The following TMEM33 variants were observed in gnomAD, a reference collection of about 807,000 sequenced individuals.
TMEM33 encodes transmembrane protein 33.
TMEM33 carries 16 observed loss-of-function variants against 29.7 expected under a neutral mutation model. The observed-to-expected ratio is 0.54, with a 90% confidence interval of 0.36 to 0.82. The LOEUF (loss-of-function observed/expected upper bound fraction) is 0.82, where lower values mean the gene tolerates loss of function less well. Among genes scored for constraint, TMEM33 ranks in the 40% least tolerant of loss-of-function variants. TMEM33 has a pLI of 0.00. For missense variants in TMEM33, 252 were observed against 295.3 expected (o/e 0.85, Z 1.08); for synonymous variants, 112 against 109.4 (o/e 1.02, Z -0.15).
At chr4:41,937,358 G>A (rs548715729) in intron 1 of TMEM33, among the ~76,000 whole-genome samples, 43 of 152,168 alleles carry the variant, frequency 2.8e-4, no homozygotes, top group African/African-American at 8.7e-4. Context: ...GTCACAGTAC[G>A]GTAAGTCTGG....
chr4:41,935,659 A>G, intron 1 of TMEM33, 130 bp downstream of exon 1: 1 of 960,038 alleles, frequency 1.0e-6, no homozygotes, highest in Non-Finnish European at 1.6e-6. Context: ...GGGGTGGGGA[A>G]GTTGGAGCGG....
At chr4:41,939,421 C>T in intron 3 of TMEM33, 38 bp downstream of exon 3, 1 of 1,600,848 alleles carries the variant, frequency 6.2e-7, no homozygotes, top group Non-Finnish European at 8.5e-7. Flanking sequence ...AAATTGCCAA[C>T]TAAGCATATA....
At chr4:41,935,615 A>G (rs1712191247) in intron 1 of TMEM33, 86 bp downstream of exon 1, 1 of 1,354,514 alleles carries the variant, frequency 7.4e-7, no homozygotes, top group Non-Finnish European at 1.0e-6. Flanking sequence ...GCGTTCCAGA[A>G]GCTCAGTGCA....
chr4:41,950,949 T>G (rs1013615699), intron 6 of TMEM33, among the ~76,000 whole-genome samples: 2 of 152,196 alleles, frequency 1.3e-5, no homozygotes, highest in African/African-American at 2.4e-5. Flanking sequence ...GGTAAACATC[T>G]TCAAAGCTGT....
chr4:41,939,842 C>CA, intron 3 of TMEM33: 2 of 454,164 alleles, frequency 4.4e-6, no homozygotes, highest in South Asian at 3.1e-5. Context: ...ATGAGATAAT[C>CA]AATACAAAGA....
At chr4:41,940,193 GT>G (rs1210541929) in intron 3 of TMEM33, among the ~76,000 whole-genome samples, 1 of 151,830 alleles carries the variant, frequency 6.6e-6, no homozygotes, top group Non-Finnish European at 1.5e-5. Flanking sequence ...CTTTACTATA[GT>G]GGCTTTGGTA....
rs777649576 is a variant in TMEM33 at position 41,944,892 on chromosome 4, T to C, written c.496T>C (p.Phe166Leu). The stretch of plus-strand genomic sequence containing the variant: ...GAAATTCATTGCTTGCAATGAAATA[T>C]TCCTGATGCCTGCGACAGTTTTTAT... Reference protein sequence around the residue: ...ILKFIACNEIFLMPATVFMLF... With the variant: ...ILKFIACNEILLMPATVFMLF... The change falls in exon 5 of 7, where the codon TTC (phenylalanine) becomes CTC (leucine). Residue 166 changes from phenylalanine to leucine, a missense_variant. Phe to Leu is a conservative substitution (Grantham distance 22). Coordinates refer to ENST00000504986, the MANE Select transcript of TMEM33 (RefSeq NM_018126.3). The C allele has an allele frequency of 6.2e-7, 1 of 1,613,388 alleles. No individual in the cohort carries two copies. The highest frequency in any genetic ancestry group is 8.5e-7 in the Non-Finnish European group (1 of 1,179,812).
At chr4:41,953,718 A>G in intron 6 of TMEM33, 1 of 457,320 alleles carries the variant, frequency 2.2e-6, no homozygotes, top group South Asian at 1.6e-5. Context: ...GAGACCAATC[A>G]GGAATGGCCT....
chr4:41,943,496 G>A (rs900871315), intron 3 of TMEM33, among the ~76,000 whole-genome samples: 6 of 151,524 alleles, frequency 4.0e-5, no homozygotes. Context: ...TTGCACTCCA[G>A]CCTGGGGGAG....
Position 41,954,199 on chromosome 4 carries a change from G to A in TMEM33, c.744G>A (p.Ter248=). The A allele has an allele frequency of 6.2e-7, 1 of 1,613,516 alleles. No individual in the cohort carries two copies. The highest frequency in any genetic ancestry group is 8.5e-7 in the Non-Finnish European group (1 of 1,179,624). ...GCAGATTGGCACCAACAGTTCCATAGTTTAACATCTAGTTAAGCTACAAAT... is the reference window on the plus strand; with the variant it reads ...GCAGATTGGCACCAACAGTTCCATAATTTAACATCTAGTTAAGCTACAAAT... The part of the protein sequence containing the change: ...FISRLAPTVP[*] Residue 248 remains the stop codon, a stop_retained_variant, in exon 7 of 7, where the codon TAG becomes TAA. Transcript: ENST00000504986.
chr4:41,938,490 A>G, intron 1 of TMEM33, 112 bp from the exon 2 acceptor site: 1 of 1,014,862 alleles, frequency 9.9e-7, no homozygotes, highest in South Asian at 1.4e-5. Context: ...ATCTAAAAAA[A>G]CAAATGGAGG....
In TMEM33 at chr4:41,943,763, C is replaced by G; in HGVS notation, c.345C>G (p.Val115=). 1 of 1,613,754 alleles carries G rather than the reference C, an allele frequency of 6.2e-7. No individual in the cohort carries two copies. Among genetic ancestry groups the G allele is most frequent in the Non-Finnish European group, 8.5e-7 (1 of 1,179,878 alleles). ...SYPVTMSIFP[V]LLFSLLHAAT... ...TTTCTTTAGTGAGTATCTTCCCAGT[C>G]TTGTTATTCTCTTTGCTTCATGCTG... The change falls in exon 4 of 7, where the codon GTC becomes GTG. Residue 115 remains valine (V), a synonymous_variant. Coordinates refer to ENST00000504986, the MANE Select transcript of TMEM33 (RefSeq NM_018126.3).
At position 41,954,698 on chromosome 4, in the gene TMEM33, A is replaced by T. The variant is rs1195489333; in HGVS notation, c.*499A>T. On this transcript the variant is annotated 3_prime_UTR_variant, in exon 7 of 7. Coordinates refer to ENST00000504986, the MANE Select transcript of TMEM33 (RefSeq NM_018126.3). ...TCAAATTGTTTTTTTAATTGGTTTT[A>T]TGCTGCTTTGTTAGGACAGATGTGT... 6.5e-6 allele frequency: 1 copy of T among 153,034 alleles called. No homozygotes were observed. Among genetic ancestry groups the T allele is most frequent in the African/African-American group, 2.4e-5 (1 of 41,422 alleles). The allele number at this position is 153,034 out of a possible 1,614,324, so 9.5% of individuals were successfully genotyped here.
At chr4:41,938,777 A>T (rs1009244672) in intron 2 of TMEM33, 81 bp downstream of exon 2, 1 of 1,320,950 alleles carries the variant, frequency 7.6e-7, no homozygotes, top group African/African-American at 1.4e-5. Flanking sequence ...TGTAAGACTT[A>T]TTAACCTGTA....
At position 41,939,380 on chromosome 4, in the gene TMEM33, A is replaced by C. The variant is rs747251962; in HGVS notation, c.325A>C (p.Thr109Pro). 1.1e-5 allele frequency: 18 copies of C among 1,612,024 alleles called. No individual in the cohort carries two copies. In the East Asian group the frequency reaches 3.8e-4, roughly 34 times the overall value. Residue 109 changes from threonine to proline, a missense_variant, in exon 3 of 7, where the codon ACA (threonine) becomes CCA (proline). Thr to Pro is a conservative substitution (Grantham distance 38). Coordinates refer to ENST00000504986, the MANE Select transcript of TMEM33 (RefSeq NM_018126.3). ...SLIFVNSYPVTMSIFPVLLFS... is the reference protein window; with the variant it reads ...SLIFVNSYPVPMSIFPVLLFS... The stretch of plus-strand genomic sequence containing the variant: ...CATCTTTGTAAATTCCTATCCAGTT[A>C]CAAGTATCCTTTTCTACCTTGTTAA...
chr4:41,937,663 GA>G (rs1375499306), intron 1 of TMEM33, among the ~76,000 whole-genome samples: 1 of 152,024 alleles, frequency 6.6e-6, no homozygotes, highest in Non-Finnish European at 1.5e-5. Context: ...AAATATTTGT[GA>G]AACTTTTGTT....
Position 41,943,827 on chromosome 4 carries a change from G to C in TMEM33, c.396+13G>C, listed in dbSNP as rs750594350. ...AAAGGTCCTTGACGTAAGTAAAACT[G>C]CTCTTTGTCTGACTTCTGAATTACA... On this transcript the variant is annotated intron_variant, in intron 4 of 6. Transcript: ENST00000504986. The C allele has an allele frequency of 2.5e-5, 41 of 1,610,922 alleles. No individual in the cohort carries two copies. Among genetic ancestry groups the C allele is most frequent in the African/African-American group, 4.0e-5 (3 of 74,820 alleles).
rs116016301 is a variant in TMEM33 at position 41,947,466 on chromosome 4, C to A, written c.531-1836C>A. On this transcript the variant is annotated intron_variant, in intron 5 of 6. Transcript: ENST00000504986. ...TGTTAGGAGCACCAGGTTTTGACTGCGTTGGTACATTAATTCAATTGTGCT... is the reference window on the plus strand; with the variant it reads ...TGTTAGGAGCACCAGGTTTTGACTGAGTTGGTACATTAATTCAATTGTGCT... 3.1e-3 allele frequency among the ~76,000 whole-genome samples: 464 copies of A among 152,120 alleles called. 3 individuals are homozygous for A. The highest frequency in any genetic ancestry group is 0.011 in the African/African-American group (437 of 41,508).
chr4:41,949,641 A>G (rs1028235767), intron 6 of TMEM33, among the ~76,000 whole-genome samples: 2 of 152,202 alleles, frequency 1.3e-5, no homozygotes, highest in African/African-American at 2.4e-5. Context: ...TTTAAAATGT[A>G]TAAGACATAG....
Sources: allele counts gnomAD v4.1 joint callset (sites outside exome capture counted in the v4.1 genomes callset), GRCh38; gene constraint gnomAD v4.1.1; transcripts MANE v1.5; gene names NCBI Gene and HGNC (gene_info 2026-07-23, HGNC 2026-07-21).